The following TPST1 variants were observed in gnomAD, a reference collection of about 807,000 sequenced individuals.
TPST1 encodes the protein tyrosylprotein sulfotransferase 1.
A neutral mutation model predicts 34.8 loss-of-function variants in TPST1; 20 were observed. The observed-to-expected ratio is 0.57, with a 90% CI of 0.40 to 0.84. TPST1 has a LOEUF of 0.84. Among genes scored for constraint, TPST1 ranks in the 40% least tolerant of loss-of-function variants. TPST1 has a pLI of 0.00. For missense variants in TPST1, 353 were observed against 455.5 expected, an observed-to-expected ratio of 0.78 and a Z score of 2.05; for synonymous variants, 152 against 159.4, an observed-to-expected ratio of 0.95 and a Z score of 0.35.
At chr7:66,315,705 G>T (rs982212918) in intron 3 of TPST1, among the ~76,000 whole-genome samples, 2 of 152,214 alleles carry the variant, frequency 1.3e-5, no homozygotes, top group Non-Finnish European at 2.9e-5. Flanking sequence ...CTTGCCACAT[G>T]AATTTGTCTA....
intron 3 of TPST1, among the ~76,000 whole-genome samples, chr7:66,305,925 C>A (rs1791413474): frequency 6.6e-6 from 1 of 152,192 alleles, no homozygotes; most frequent in Admixed American, 6.5e-5. Flanking sequence ...TCCTTCTAAT[C>A]TTTGTCAAAT....
At chr7:66,277,964 G>T (rs1470639330) in intron 2 of TPST1, among the ~76,000 whole-genome samples, 1 of 151,948 alleles carries the variant, frequency 6.6e-6, no homozygotes, top group East Asian at 1.9e-4. Flanking sequence ...GCTGGGTGTG[G>T]TAGTGGGTGC....
intron 3 of TPST1, among the ~76,000 whole-genome samples, chr7:66,349,556 A>G (rs185526456): frequency 2.6e-5 from 4 of 152,206 alleles, no homozygotes; most frequent in African/African-American, 9.6e-5. Flanking sequence ...TGGGTGACAG[A>G]GCGAAACTCC....
chr7:66,315,917 C>T (rs927171628), intron 3 of TPST1, among the ~76,000 whole-genome samples: 6 of 152,110 alleles, frequency 3.9e-5, no homozygotes, highest in African/African-American at 1.4e-4. Flanking sequence ...TCGAGACCAG[C>T]CTGACCAACA....
At chr7:66,300,202 C>T (rs1370806099) in intron 3 of TPST1, among the ~76,000 whole-genome samples, 1 of 152,180 alleles carries the variant, frequency 6.6e-6, no homozygotes, top group Non-Finnish European at 1.5e-5. Flanking sequence ...GTGACTATAG[C>T]AATTTGTTTT....
chr7:66,345,196 A>T (rs773710747), intron 3 of TPST1, among the ~76,000 whole-genome samples: 1 of 151,724 alleles, frequency 6.6e-6, no homozygotes, highest in Non-Finnish European at 1.5e-5. Flanking sequence ...TTAAGAAAAC[A>T]AGCAAGATCA....
At chr7:66,301,001 A>G (rs13242072) in intron 3 of TPST1, among the ~76,000 whole-genome samples, 58,976 of 151,952 alleles carry the variant, frequency 0.39, 12,198 homozygotes, top group Non-Finnish European at 0.47. Flanking sequence ...TCCTTGATCC[A>G]TGGACTACAG....
At chr7:66,359,537 G>A (rs1234847089) in intron 5 of TPST1, 1 of 247,064 alleles carries the variant, frequency 4.0e-6, no homozygotes, top group African/African-American at 2.2e-5. Context: ...AGGAATCATG[G>A]TGCTGACCCC....
At chr7:66,351,747 T>C (rs1178364201) in intron 3 of TPST1, among the ~76,000 whole-genome samples, 1 of 152,024 alleles carries the variant, frequency 6.6e-6, no homozygotes, top group African/African-American at 2.4e-5. Context: ...TTATATTAAA[T>C]CTTCCTGTCC....
intron 1 of TPST1, among the ~76,000 whole-genome samples, chr7:66,206,207 C>T (rs565581109): frequency 4.6e-5 from 7 of 151,558 alleles, no homozygotes; most frequent in African/African-American, 1.5e-4. Flanking sequence ...TATCCTTCTG[C>T]CTCGGCCTCC....
At chr7:66,328,425 G>C (rs1227373415) in intron 3 of TPST1, among the ~76,000 whole-genome samples, 1 of 152,188 alleles carries the variant, frequency 6.6e-6, no homozygotes, top group African/African-American at 2.4e-5. Flanking sequence ...CAGTAGAGCT[G>C]AGTAGTTGGA....
At chr7:66,265,559 AAAAAG>A (rs1414107427) in intron 2 of TPST1, among the ~76,000 whole-genome samples, 1 of 152,000 alleles carries the variant, frequency 6.6e-6, no homozygotes, top group Non-Finnish European at 1.5e-5. Flanking sequence ...CAAAAAAAAA[AAAAAG>A]AAAAAAGAAA....
chr7:66,237,730 C>T (rs994685837), intron 1 of TPST1, among the ~76,000 whole-genome samples: 2 of 151,208 alleles, frequency 1.3e-5, no homozygotes, highest in East Asian at 1.9e-4. Context: ...GGGGAGGGGT[C>T]GGGGGTAGGG....
intron 3 of TPST1, among the ~76,000 whole-genome samples, chr7:66,320,372 C>T (rs1284783992): frequency 1.3e-5 from 2 of 151,092 alleles, no homozygotes; most frequent in East Asian, 1.9e-4. Flanking sequence ...CTCAGCCTCC[C>T]GAGTTGCTGG....
At chr7:66,206,954 G>C (rs966738473) in intron 1 of TPST1, among the ~76,000 whole-genome samples, 1 of 152,066 alleles carries the variant, frequency 6.6e-6, no homozygotes, top group African/African-American at 2.4e-5. Flanking sequence ...CCAAACACTC[G>C]CTCTTGGAGG....
chr7:66,260,049 AT>A (rs1790458095), intron 2 of TPST1, among the ~76,000 whole-genome samples: 1 of 152,120 alleles, frequency 6.6e-6, no homozygotes, highest in African/African-American at 2.4e-5. Context: ...ACTTAGTAAT[AT>A]GCTCTTTACT....
At chr7:66,265,184 A>G (rs1010760551) in intron 2 of TPST1, among the ~76,000 whole-genome samples, 1 of 152,234 alleles carries the variant, frequency 6.6e-6, no homozygotes, top group East Asian at 1.9e-4. Context: ...GTGGGATACC[A>G]TCAAGTGTAC....
intron 3 of TPST1, among the ~76,000 whole-genome samples, chr7:66,306,698 G>GT (rs1250090653): frequency 6.6e-6 from 1 of 151,962 alleles, no homozygotes; most frequent in African/African-American, 2.4e-5. Context: ...TCCTCATATA[G>GT]TTTTTTGTTT....
intron 2 of TPST1, among the ~76,000 whole-genome samples, chr7:66,282,545 T>A (rs1222733488): frequency 6.6e-6 from 1 of 152,210 alleles, no homozygotes; most frequent in Non-Finnish European, 1.5e-5. Flanking sequence ...ATCCTCAGTC[T>A]CTTAGGATCA....
Sources: gnomAD v4.1 joint callset for allele counts (sites outside exome capture counted in the v4.1 genomes callset) on GRCh38, gnomAD v4.1.1 for gene constraint, MANE v1.5 for transcripts, NCBI Gene and HGNC (gene_info 2026-07-23, HGNC 2026-07-21) for gene names.